LHX1: variants seen among roughly 807,000 people sequenced by gnomAD.
LHX1 encodes LIM homeobox 1.
A neutral mutation model predicts 34.1 loss-of-function variants in LHX1; 9 were observed. The ratio of observed to expected loss-of-function variants is 0.26; its 90% confidence interval spans 0.16 to 0.46. LHX1 has a LOEUF of 0.46. Among genes scored for constraint, LHX1 ranks in the 20% least tolerant of loss-of-function variants. LHX1 has a pLI of 1.00. For missense variants in LHX1, 446 were observed against 559.1 expected, an observed-to-expected ratio of 0.80 and a Z score of 2.04; for synonymous variants, 254 against 241.5, an observed-to-expected ratio of 1.05 and a Z score of -0.48.
At position 36,940,810 on chromosome 17, in the gene LHX1, G is replaced by C; in HGVS notation, c.598G>C (p.Ala200Pro). The C allele has an allele frequency of 6.2e-7, 1 of 1,601,008 alleles. No individual in the cohort carries two copies. The highest frequency in any genetic ancestry group is 1.1e-5 in the South Asian group (1 of 89,584). ...GCTGGAGACGCTGAAGGCCGCCTTCGCTGCTACACCCAAGCCCACCCGCCA... is the reference window on the plus strand; with the variant it reads ...GCTGGAGACGCTGAAGGCCGCCTTCCCTGCTACACCCAAGCCCACCCGCCA... ...KQLETLKAAF[A>P]ATPKPTRHIR... Residue 200 changes from alanine (A) to proline (P), a missense_variant, in exon 3 of 5, where the codon GCT becomes CCT. Transcript: ENST00000614239.
rs189336408 is a variant in LHX1, at chr17:36,938,740, T to C, written c.170+373T>C. ...AACTGCATTCTCCAGGCCTTCGGGG[T>C]TGTTTGCCCTCCAGGCAGAGCCCAG... On this transcript the variant is annotated intron_variant, in intron 1 of 4. Transcript: ENST00000614239. 11 of 392,140 alleles carry C rather than the reference T, an allele frequency of 2.8e-5. No homozygotes were observed. In the East Asian group the frequency reaches 6.7e-4, roughly 24 times the overall value. The allele number at this position is 392,140 out of a possible 1,614,324, so 24.3% of individuals were successfully genotyped here. A position where few individuals can be genotyped will look rare whatever the true frequency, so the allele number is the denominator to read the frequency against.
At chr17:36,940,258 C>CCGGGGGGGG in intron 1 of LHX1, 32 bp from the exon 2 acceptor site, 3 of 528,884 alleles carry the variant, frequency 5.7e-6, no homozygotes, top group Non-Finnish European at 6.7e-6. Flanking sequence ...GACCCATCCC[C>CCGGGGGGGG]GCCCCCGCCC....
Position 36,943,326 on chromosome 17 carries a change from G to A in LHX1, c.*195G>A. On this transcript the variant is annotated 3_prime_UTR_variant, in exon 5 of 5. Transcript: ENST00000614239. ...TCCAAATCGGCCTCGAGGTGGGACTGGGATCCGCGCACTGGCTGTCGACGT... is the reference window on the plus strand; with the variant it reads ...TCCAAATCGGCCTCGAGGTGGGACTAGGATCCGCGCACTGGCTGTCGACGT... The A allele has an allele frequency of 1.6e-6, 1 of 635,644 alleles. No individual in the cohort carries two copies. 39.4% of individuals were successfully genotyped at this position (635,644 alleles called of 1,614,324 possible).
At chr17:36,939,542 G>A (rs944290704) in intron 1 of LHX1, among the ~76,000 whole-genome samples, 1 of 152,192 alleles carries the variant, frequency 6.6e-6, no homozygotes, top group Non-Finnish European at 1.5e-5. Flanking sequence ...GAGCCTCCGC[G>A]GGCTGCCCGG....
chr17:36,941,332 A>G (rs2070763895), intron 3 of LHX1: 1 of 363,722 alleles, frequency 2.7e-6, no homozygotes, highest in Non-Finnish European at 5.4e-6. Context: ...GCTTGCTCCA[A>G]TTAGACAAGC....
At position 36,943,178 on chromosome 17, in the gene LHX1, C is replaced by T; in HGVS notation, c.*47C>T. ...GAGTTCGTGGTTGTACAGAAATGAA[C>T]CTTTATTTAAGAAAAATAGAAAAAA... On this transcript the variant is annotated 3_prime_UTR_variant, in exon 5 of 5. Transcript: ENST00000614239. 6.5e-7 allele frequency: 1 copy of T among 1,542,388 alleles called. No individual in the cohort carries two copies.
At position 36,942,353 on chromosome 17, in the gene LHX1, T is replaced by C. The variant is rs750892099; in HGVS notation, c.829T>C (p.Ser277Pro). ...PGELIPNGPF[S>P]FYGDYQSEYY... ...CGAGCTCATCCCCAATGGTCCCTTC[T>C]CCTTCTACGGAGGTGGGTGCGCGCC... is the stretch of plus-strand genomic sequence containing the variant. Residue 277 changes from serine to proline, a missense_variant, in exon 4 of 5, where the codon TCC becomes CCC. By Grantham distance (74) the Ser-to-Pro change is moderately conservative. This residue lies in a region of LHX1 where 235 missense variants were observed against 224.4 expected (regional missense o/e 1.05). Coordinates refer to ENST00000614239, the MANE Select transcript of LHX1 (RefSeq NM_005568.5). 2.5e-6 allele frequency: 4 copies of C among 1,584,770 alleles called. No homozygotes were observed. In the Admixed American group the frequency reaches 7.2e-5, roughly 29 times the overall value.
At position 36,943,054 on chromosome 17, in the gene LHX1, C is replaced by T; in HGVS notation, c.1144C>T (p.Leu382=). ...CGGACCCAGCCCGCCCTTCTCGTCGCTGTCGGTCAACGGTGGGGCGAGCTA... is the reference window on the plus strand; with the variant it reads ...CGGACCCAGCCCGCCCTTCTCGTCGTTGTCGGTCAACGGTGGGGCGAGCTA... ...VFGPSPPFSS[L]SVNGGASYGN... The change falls in exon 5 of 5, where the codon CTG becomes TTG. Residue 382 remains leucine, a synonymous_variant. Transcript: ENST00000614239. The T allele has an allele frequency of 6.2e-7, 1 of 1,607,212 alleles. No individual in the cohort carries two copies. The highest frequency in any genetic ancestry group is 1.7e-5 in the Admixed American group (1 of 59,882).
rs2070778730 is a variant in LHX1, at chr17:36,943,114, G to T, written c.1204G>T (p.Glu402Ter). ...CCTGTCCCACCCCCCCGAAATGAACGAGGCGGCCGTGTGGTAGCGGGGTCT... is the reference window on the plus strand; with the variant it reads ...CCTGTCCCACCCCCCCGAAATGAACTAGGCGGCCGTGTGGTAGCGGGGTCT... ...NHLSHPPEMN[E>*]AAVW is the part of the protein sequence containing the mutation. Residue 402 changes from glutamate to a stop codon, truncating the protein, a stop_gained, in exon 5 of 5, where the codon GAG (glutamate) becomes TAG (stop). Transcript: ENST00000614239. LOFTEE classifies it high-confidence loss of function. 1 of 1,612,256 alleles carries T rather than the reference G, an allele frequency of 6.2e-7. No individual in the cohort carries two copies. Among genetic ancestry groups the T allele is most frequent in the Non-Finnish European group, 8.5e-7 (1 of 1,179,764 alleles).
upstream of LHX1, chr17:36,937,465 G>A: frequency 6.2e-6 from 2 of 324,230 alleles, no homozygotes; most frequent in South Asian, 4.5e-5. Context: ...AGCAACAACA[G>A]CAATCAACAC....
chr17:36,942,259 C>G lies in LHX1; in HGVS notation c.735C>G (p.Gly245=). 6.2e-7 allele frequency: 1 copy of G among 1,600,108 alleles called. No individual in the cohort carries two copies. Among genetic ancestry groups the G allele is most frequent in the Non-Finnish European group, 8.5e-7 (1 of 1,175,392 alleles). The change falls in exon 4 of 5, where the codon GGC becomes GGG. Residue 245 remains glycine (G), a synonymous_variant. Transcript: ENST00000614239. ...GGATGAAGCAGCTGAGCGCCCTGGGCGCCCGGCGCCACGCCTTCTTCCGCA... is the reference window on the plus strand; with the variant it reads ...GGATGAAGCAGCTGAGCGCCCTGGGGGCCCGGCGCCACGCCTTCTTCCGCA... ...ERRMKQLSAL[G]ARRHAFFRSP...
Position 36,944,403 on chromosome 17 carries a change from A to G in LHX1, c.*1272A>G, listed in dbSNP as rs2070789570. On this transcript the variant is annotated 3_prime_UTR_variant, in exon 5 of 5. Coordinates refer to ENST00000614239, the MANE Select transcript of LHX1 (RefSeq NM_005568.5). ...GTTTTATTTTTGTGTCTTTAAAATA[A>G]AAGTCCAAAATATTTAAATTTTATG... 8 of 152,324 alleles carry G rather than the reference A, an allele frequency of 5.3e-5. No individual in the cohort carries two copies. In the South Asian group the frequency reaches 1.7e-3, roughly 32 times the overall value. 9.4% of individuals were successfully genotyped at this position (152,324 alleles called of 1,614,324 possible). A position where few individuals can be genotyped will look rare whatever the true frequency, so the allele number is the denominator to read the frequency against.
At chr17:36,940,068 G>C in intron 1 of LHX1, 1 of 603,314 alleles carries the variant, frequency 1.7e-6, no homozygotes, top group East Asian at 2.7e-5. Context: ...ACTCTTCCCT[G>C]GTGCCGCGCT....
intron 4 of LHX1, 84 bp downstream of exon 4, chr17:36,942,449 C>G: frequency 7.1e-7 from 1 of 1,409,990 alleles, no homozygotes; most frequent in East Asian, 2.5e-5. Context: ...GGGCACGCCT[C>G]GCTCTCTGTA....
upstream of LHX1, chr17:36,937,369 GC>G (rs553115688): frequency 2.9e-6 from 1 of 339,890 alleles, no homozygotes; most frequent in South Asian, 2.1e-5. Flanking sequence ...TAGGGAAGGA[GC>G]GAGTGCGCCT....
chr17:36,940,420 G>A lies in LHX1; in HGVS notation c.301G>A (p.Gly101Ser), dbSNP rs1218725197. Residue 101 changes from glycine to serine, a missense_variant, in exon 2 of 5, where the codon GGC becomes AGC. Transcript: ENST00000614239. ...CMMCNKQLST[G>S]EELYIIDENK... ...GATGTGTAACAAGCAGCTCTCCACT[G>A]GCGAGGAACTCTACATCATCGACGA... The A allele has an allele frequency of 6.2e-7, 1 of 1,614,144 alleles. No individual in the cohort carries two copies. Among genetic ancestry groups the A allele is most frequent in the Non-Finnish European group, 8.5e-7 (1 of 1,180,046 alleles).
intron 4 of LHX1, 52 bp from the exon 5 acceptor site, chr17:36,942,699 CG>C: frequency 1.7e-5 from 25 of 1,439,708 alleles, no homozygotes; most frequent in Non-Finnish European, 2.3e-5. Flanking sequence ...CTTTCGGTCC[CG>C]CCGGCCCCCG....
rs754225240 is a variant in LHX1, at chr17:36,942,374, G to T, written c.841+9G>T. 3.8e-6 allele frequency: 6 copies of T among 1,573,642 alleles called. No individual in the cohort carries two copies. In the South Asian group the frequency reaches 5.8e-5, roughly 15 times the overall value. On this transcript the variant is annotated intron_variant, in intron 4 of 4. Coordinates refer to ENST00000614239, the MANE Select transcript of LHX1 (RefSeq NM_005568.5). Reference sequence around the variant, plus strand: ...CTTCTCCTTCTACGGAGGTGGGTGCGCGCCGAATGGCGGGGCGCGGCCAGG... The same window carrying T: ...CTTCTCCTTCTACGGAGGTGGGTGCTCGCCGAATGGCGGGGCGCGGCCAGG...
Position 36,942,181 on chromosome 17 carries a change from C to G in LHX1, c.676-19C>G. The G allele has an allele frequency of 6.4e-7, 1 of 1,570,166 alleles. No individual in the cohort carries two copies. The highest frequency in any genetic ancestry group is 1.2e-5 in the South Asian group (1 of 86,818). ...GGGGTGGAGTCTCGGTGGCCTCACC[C>G]CGCCGCCATGTGCTGCAGGTCTGGT... On this transcript the variant is annotated intron_variant, in intron 3 of 4. Coordinates refer to ENST00000614239, the MANE Select transcript of LHX1 (RefSeq NM_005568.5).
Sources: allele counts gnomAD v4.1 joint callset (sites outside exome capture counted in the v4.1 genomes callset), GRCh38; gene constraint gnomAD v4.1.1; regional missense constraint gnomAD v4.1.1; transcripts MANE v1.5; gene names NCBI Gene and HGNC (gene_info 2026-07-23, HGNC 2026-07-21).